PIP4K2A: variants seen among roughly 807,000 people sequenced by gnomAD.
The protein encoded by PIP4K2A is phosphatidylinositol-5-phosphate 4-kinase type 2 alpha.
A neutral mutation model predicts 42.9 loss-of-function variants in PIP4K2A; 14 were observed. That is an observed-to-expected ratio of 0.33 (90% CI 0.22 to 0.51). The LOEUF (loss-of-function observed/expected upper bound fraction) is 0.51. PIP4K2A is among the 20% of genes least tolerant of loss of function. PIP4K2A has a pLI of 0.97. For synonymous variants in PIP4K2A, 192 were observed against 192.2 expected (o/e 1.00, Z 0.01); for missense variants, 434 against 519.8 (o/e 0.83, Z 1.61).
chr10:22,547,880 T>C lies in PIP4K2A; in HGVS notation c.792+2779A>G, dbSNP rs538909715. 3.9e-5 allele frequency among the ~76,000 whole-genome samples: 6 copies of C among 152,296 alleles called. No individual in the cohort carries two copies. In the South Asian group the frequency reaches 1.0e-3, roughly 26 times the overall value. ...GTGGATGAAAATACCCAGCATGGCA[T>C]AGGAATAGAACAGGGCTGCTGTTAC... On this transcript the variant is annotated intron_variant, in intron 7 of 9. Coordinates refer to ENST00000376573, the MANE Select transcript of PIP4K2A (RefSeq NM_005028.5).
chr10:22,664,845 T>C (rs961426138), intron 1 of PIP4K2A, among the ~76,000 whole-genome samples: 16 of 152,106 alleles, frequency 1.1e-4, no homozygotes, highest in Non-Finnish European at 2.1e-4. Context: ...CATTAAAACT[T>C]TGAGGTTTAT....
intron 1 of PIP4K2A, among the ~76,000 whole-genome samples, chr10:22,665,910 G>C (rs981929727): frequency 6.6e-6 from 1 of 151,880 alleles, no homozygotes; most frequent in African/African-American, 2.4e-5. Context: ...AGTTCTATGG[G>C]ATAGATTATC....
At chr10:22,620,849 C>T (rs1838313060) in intron 1 of PIP4K2A, among the ~76,000 whole-genome samples, 1 of 152,232 alleles carries the variant, frequency 6.6e-6, no homozygotes, top group Admixed American at 6.5e-5. Flanking sequence ...AATCACAAAA[C>T]AACTTTCCAG....
intron 1 of PIP4K2A, among the ~76,000 whole-genome samples, chr10:22,664,142 CATATATATACACATATATATAT>C: frequency 7.2e-5 from 2 of 27,960 alleles, no homozygotes; most frequent in African/African-American, 6.8e-4. Flanking sequence ...TATATATATA[CATATATATACACATATATATAT>C]ATACATATAT....
chr10:22,581,822 A>G (rs1837289082), intron 4 of PIP4K2A, among the ~76,000 whole-genome samples: 1 of 152,102 alleles, frequency 6.6e-6, no homozygotes, highest in African/African-American at 2.4e-5. Context: ...TTAAAAAACA[A>G]TCTGCTTACA....
chr10:22,543,831 G>A (rs750585230), intron 7 of PIP4K2A, among the ~76,000 whole-genome samples: 23 of 152,156 alleles, frequency 1.5e-4, no homozygotes, highest in African/African-American at 2.2e-4. Flanking sequence ...TACCAGCTCC[G>A]CTATACATGG....
chr10:22,638,780 C>G, intron 1 of PIP4K2A, among the ~76,000 whole-genome samples: 1 of 152,106 alleles, frequency 6.6e-6, no homozygotes, highest in Non-Finnish European at 1.5e-5. Context: ...CAGTGAAGGA[C>G]AAAGTCCAAA....
chr10:22,542,336 G>A (rs372556508), intron 7 of PIP4K2A, among the ~76,000 whole-genome samples: 21 of 152,338 alleles, frequency 1.4e-4, no homozygotes, highest in South Asian at 4.1e-4. Context: ...CAGATAGCAA[G>A]GAGCATGACC....
chr10:22,647,501 G>A (rs955713305), intron 1 of PIP4K2A, among the ~76,000 whole-genome samples: 2 of 151,498 alleles, frequency 1.3e-5, no homozygotes, highest in African/African-American at 2.4e-5. Flanking sequence ...GATGGCAGAG[G>A]CATCCCATCT....
At chr10:22,602,308 G>A (rs1437202564) in intron 3 of PIP4K2A, among the ~76,000 whole-genome samples, 1 of 151,000 alleles carries the variant, frequency 6.6e-6, no homozygotes, top group Non-Finnish European at 1.5e-5. Flanking sequence ...TGGCAGGATC[G>A]ATTGAGCCCA....
chr10:22,569,156 G>A (rs889250593), intron 5 of PIP4K2A: 57 of 841,150 alleles, frequency 6.8e-5, no homozygotes, highest in Admixed American at 2.9e-4. Flanking sequence ...AAACTTGAAC[G>A]GAAGAGACTC....
intron 4 of PIP4K2A, among the ~76,000 whole-genome samples, chr10:22,587,491 A>G (rs1009145683): frequency 3.3e-5 from 5 of 152,224 alleles, no homozygotes; most frequent in African/African-American, 1.2e-4. Flanking sequence ...TACAAACCCT[A>G]AAAGTACTCT....
Position 22,536,403 on chromosome 10 carries a change from T to TA in PIP4K2A, c.*797_*798insT, listed in dbSNP as rs1835919848. 6.5e-6 allele frequency: 2 copies of TA among 306,386 alleles called. No homozygotes were observed. The highest frequency in any genetic ancestry group is 3.2e-4 in the South Asian group (2 of 6,212). 19.0% of individuals were successfully genotyped at this position (306,386 alleles called of 1,614,324 possible). ...GAAGTAAGCAGTTTTCCTGGACATA[T>TA]TGGCCGAGGTGAAAAATGTATAGAG... On this transcript the variant is annotated 3_prime_UTR_variant, in exon 10 of 10. Transcript: ENST00000376573.
At chr10:22,607,404 T>A (rs953297898) in intron 3 of PIP4K2A, among the ~76,000 whole-genome samples, 2 of 152,198 alleles carry the variant, frequency 1.3e-5, no homozygotes, top group African/African-American at 4.8e-5. Context: ...GGGTTCCTGG[T>A]GCTGACCACA....
At chr10:22,688,225 C>T (rs552938051) in intron 1 of PIP4K2A, among the ~76,000 whole-genome samples, 24 of 152,018 alleles carry the variant, frequency 1.6e-4, no homozygotes, top group South Asian at 1.5e-3. Flanking sequence ...AGTAAGAAAG[C>T]GACATGAAGA....
At chr10:22,665,605 C>CT (rs34262297) in intron 1 of PIP4K2A, among the ~76,000 whole-genome samples, 2,304 of 114,944 alleles carry the variant, frequency 0.02, 25 homozygotes, top group African/African-American at 0.024. Flanking sequence ...CCACACCTGG[C>CT]TTTTTTTTTT....
intron 1 of PIP4K2A, among the ~76,000 whole-genome samples, chr10:22,634,402 A>G (rs1838616882): frequency 6.6e-6 from 1 of 152,188 alleles, no homozygotes; most frequent in Admixed American, 6.5e-5. Flanking sequence ...TTGGGGGAAC[A>G]TTTAGACACT....
At chr10:22,683,181 T>TA (rs1316767375) in intron 1 of PIP4K2A, among the ~76,000 whole-genome samples, 2 of 152,310 alleles carry the variant, frequency 1.3e-5, no homozygotes, top group East Asian at 3.9e-4. Flanking sequence ...GCAGCCTCTC[T>TA]AGCAAGGGCA....
intron 1 of PIP4K2A, among the ~76,000 whole-genome samples, chr10:22,668,845 G>A (rs1371125551): frequency 6.6e-6 from 1 of 152,090 alleles, no homozygotes; most frequent in African/African-American, 2.4e-5. Context: ...AGCAAAACAT[G>A]GTTTGGGCTG....
Sources: allele counts gnomAD v4.1 joint callset (sites outside exome capture counted in the v4.1 genomes callset), GRCh38; gene constraint gnomAD v4.1.1; transcripts MANE v1.5; gene names NCBI Gene and HGNC (gene_info 2026-07-23, HGNC 2026-07-21).